Variants in ASNS observed in about 807,000 individuals in gnomAD.
ASNS encodes asparagine synthetase [glutamine-hydrolyzing].
ASNS carries 37 observed loss-of-function variants against 62.6 expected under a neutral mutation model. The observed-to-expected ratio is 0.59, with a 90% confidence interval of 0.45 to 0.78. ASNS has a LOEUF of 0.78. Ranked by LOEUF, ASNS falls within the 30% of genes least tolerant of loss-of-function variation. ASNS has a pLI of 0.00. For missense variants in ASNS, 520 were observed against 682.4 expected (o/e 0.76, Z 2.65); for synonymous variants, 207 against 237.9 (o/e 0.87, Z 1.19).
At chr7:97,857,866 C>A (rs1427756087) in intron 7 of ASNS, among the ~76,000 whole-genome samples, 1 of 151,996 alleles carries the variant, frequency 6.6e-6, no homozygotes, top group Non-Finnish European at 1.5e-5. Context: ...GCATGCGTCA[C>A]CAAGCCTGGC....
At position 97,856,817 on chromosome 7, in the gene ASNS, C is replaced by T. The variant is rs1363014007; in HGVS notation, c.904-1G>A. On this transcript the variant is annotated splice_acceptor_variant, in intron 7 of 12. Coordinates refer to ENST00000394308, the MANE Select transcript of ASNS (RefSeq NM_001673.5). LOFTEE classifies it high-confidence loss of function. ...GTTCACTTCCAATATGATCTGCCAC[C>T]TTATTATATAAAGAAATACCCATTT... is the stretch of plus-strand genomic sequence containing the variant. 5 of 1,597,886 alleles carry T rather than the reference C, an allele frequency of 3.1e-6. No individual in the cohort carries two copies. The highest frequency in any genetic ancestry group is 4.3e-6 in the Non-Finnish European group (5 of 1,173,252).
the ASNS span, among the ~76,000 whole-genome samples, chr7:97,896,524 G>A: frequency 6.8e-6 from 1 of 147,412 alleles, no homozygotes; most frequent in Non-Finnish European, 1.5e-5. Context: ...ATGAACCCGG[G>A]AGGAAGAGCT....
the ASNS span, among the ~76,000 whole-genome samples, chr7:97,916,216 T>C: frequency 6.6e-6 from 1 of 151,964 alleles, no homozygotes; most frequent in Non-Finnish European, 1.5e-5. Flanking sequence ...CCCTCTCTAC[T>C]AAAAATACAA....
the ASNS span, among the ~76,000 whole-genome samples, chr7:97,915,149 T>C: frequency 0.17 from 25,705 of 152,104 alleles, 2,355 homozygotes; most frequent in Middle Eastern, 0.23. Context: ...TTTTATGCAA[T>C]ACAGTAAGAA....
chr7:97,868,478 CATA>C (rs1792080813), intron 3 of ASNS, among the ~76,000 whole-genome samples: 1 of 151,432 alleles, frequency 6.6e-6, no homozygotes, highest in South Asian at 2.1e-4. Context: ...TTAGGAGTGT[CATA>C]ATATCTGCAC....
At chr7:97,868,544 T>TGTGTGTGTGTGG (rs1554350460) in intron 3 of ASNS, among the ~76,000 whole-genome samples, 1 of 151,854 alleles carries the variant, frequency 6.6e-6, no homozygotes, top group African/African-American at 2.4e-5. Flanking sequence ...TGTGTGTGTG[T>TGTGTGTGTGTGG]AGAAAGAAAA....
intron 3 of ASNS, among the ~76,000 whole-genome samples, chr7:97,865,237 G>A (rs1365134688): frequency 6.6e-6 from 1 of 152,190 alleles, no homozygotes; most frequent in Non-Finnish European, 1.5e-5. Context: ...AGAATCACCA[G>A]AATACCTGCA....
At chr7:97,870,719 A>G (rs1792214096) in intron 1 of ASNS, among the ~76,000 whole-genome samples, 1 of 152,222 alleles carries the variant, frequency 6.6e-6, no homozygotes, top group South Asian at 2.1e-4. Context: ...CTCTATATCA[A>G]TTTAAAACGG....
chr7:97,853,341 A>G lies in ASNS; in HGVS notation c.1284T>C (p.Tyr428=). 1 of 1,613,504 alleles carries G rather than the reference A, an allele frequency of 6.2e-7. No individual in the cohort carries two copies. The highest frequency in any genetic ancestry group is 8.5e-7 in the Non-Finnish European group (1 of 1,179,926). The stretch of plus-strand genomic sequence containing the variant: ...TCATTTCTGGTGGCAGAGACAAGTA[A>G]TAGGAAGAAAATCGATGATCTAGAA... ...VPFLDHRFSS[Y]YLSLPPEMRI... Residue 428 remains tyrosine (Y), a synonymous_variant, in exon 11 of 13, where the codon TAT becomes TAC. Coordinates refer to ENST00000394308, the MANE Select transcript of ASNS (RefSeq NM_001673.5).
At chr7:97,861,234 G>A (rs1346659322) in intron 4 of ASNS, among the ~76,000 whole-genome samples, 1 of 151,932 alleles carries the variant, frequency 6.6e-6, no homozygotes, top group Non-Finnish European at 1.5e-5. Context: ...GGATGGTCTC[G>A]ATCTCCTGAC....
Position 97,858,369 on chromosome 7 carries a change from A to G in ASNS, c.812T>C (p.Leu271Ser). 4 of 1,614,178 alleles carry G rather than the reference A, an allele frequency of 2.5e-6. No homozygotes were observed. Among genetic ancestry groups the G allele is most frequent in the Non-Finnish European group, 3.4e-6 (4 of 1,180,026 alleles). ...LDSSLVAATL[L>S]KQLKEAQVQY... ...TACTTGGGCTTCTTTCAGCTGCTTC[A>G]ACAGAGTGGCAGCAACCAAGCTGGA... Residue 271 changes from leucine (L) to serine (S), a missense_variant, in exon 7 of 13, where the codon TTG (leucine) becomes TCG (serine). By Grantham distance (145) the Leu-to-Ser change is moderately radical (BLOSUM62 -2). Coordinates refer to ENST00000394308, the MANE Select transcript of ASNS (RefSeq NM_001673.5).
chr7:97,908,665 G>A, the ASNS span: 1 of 152,142 alleles, frequency 6.6e-6, no homozygotes, highest in Admixed American at 6.6e-5. Flanking sequence ...GCCTCCCAAA[G>A]TGCTAAGATT....
chr7:97,920,382 C>T, the ASNS span, among the ~76,000 whole-genome samples: 9 of 151,992 alleles, frequency 5.9e-5, no homozygotes, highest in East Asian at 1.9e-4. Context: ...CCCTCCAGAG[C>T]TGTACTCTCA....
intron 9 of ASNS, 149 bp downstream of exon 9, chr7:97,855,204 A>C: frequency 1.7e-6 from 1 of 575,400 alleles, no homozygotes; most frequent in Non-Finnish European, 3.0e-6. Context: ...TCCCCAAGAG[A>C]TAGAAAGCAA....
At chr7:97,915,802 CA>C in the ASNS span, among the ~76,000 whole-genome samples, 1 of 152,244 alleles carries the variant, frequency 6.6e-6, no homozygotes, top group East Asian at 1.9e-4. Flanking sequence ...CCAGAGAGAA[CA>C]AGTGAACATG....
the ASNS span, among the ~76,000 whole-genome samples, chr7:97,884,519 A>G: frequency 1.3e-5 from 2 of 152,076 alleles, no homozygotes; most frequent in African/African-American, 4.8e-5. Context: ...ACTCCACCCA[A>G]GCCTGGGCGT....
chr7:97,858,405 C>T lies in ASNS; in HGVS notation c.776G>A (p.Gly259Glu). 1 of 1,613,976 alleles carries T rather than the reference C, an allele frequency of 6.2e-7. No individual in the cohort carries two copies. Among genetic ancestry groups the T allele is most frequent in the Admixed American group, 1.7e-5 (1 of 60,002 alleles). The change falls in exon 7 of 13, where the codon GGG (glycine) becomes GAG (glutamate). Residue 259 changes from glycine (G) to glutamate (E), a missense_variant and splice_region_variant. Physicochemically the swap from Gly to Glu is moderately conservative, Grantham distance 98 (BLOSUM62 -2). Coordinates refer to ENST00000394308, the MANE Select transcript of ASNS (RefSeq NM_001673.5). ...TDRRIGCLLS[G>E]GLDSSLVAAT... ...AGCAACCAAGCTGGAGTCCAAGCCC[C>T]CTACATGCAAAAGAGGAAGTGGAAG...
rs1165505998 is a variant in ASNS at position 97,867,217 on chromosome 7, C to CCTTT, written c.249+1687_249+1690dup. Among the ~76,000 whole-genome samples the CCTTT allele has an allele frequency of 4.7e-4, 70 of 149,796 alleles. 8 individuals carry two copies. The highest frequency in any genetic ancestry group is 9.1e-4 in the Non-Finnish European group (61 of 67,062). ...TTGCCCCAGCCTTTACCCCATTCCT[C>CCTTT]CTTTCTTTCATTCAGTCTCCTTCTA... On this transcript the variant is annotated intron_variant, in intron 3 of 12. Transcript: ENST00000394308.
the ASNS span, among the ~76,000 whole-genome samples, chr7:97,881,953 C>T: frequency 6.6e-5 from 10 of 151,888 alleles, no homozygotes; most frequent in South Asian, 4.2e-4. Context: ...CAGGTTCAAC[C>T]GATAACACCT....
Sources: gnomAD v4.1 joint callset for allele counts (sites outside exome capture counted in the v4.1 genomes callset) on GRCh38, gnomAD v4.1.1 for gene constraint, MANE v1.5 for transcripts, NCBI Gene and HGNC (gene_info 2026-07-23, HGNC 2026-07-21) for gene names.